NKAIN3: variants seen among roughly 807,000 people sequenced by gnomAD.
NKAIN3 encodes the protein sodium/potassium transporting ATPase interacting 3.
NKAIN3 carries 25 observed loss-of-function variants against 30.2 expected under a neutral mutation model. The observed-to-expected ratio is 0.83, with a 90% CI of 0.60 to 1.16. The LOEUF (loss-of-function observed/expected upper bound fraction) is 1.16, where lower values mean the gene tolerates loss of function less well. NKAIN3 is among the 50% of genes most tolerant of loss of function. The pLI is 0.00. For missense variants in NKAIN3, 225 were observed against 254.1 expected, an observed-to-expected ratio of 0.89 and a Z score of 0.78; for synonymous variants, 91 against 89.6, an observed-to-expected ratio of 1.02 and a Z score of -0.09.
At chr8:62,756,593 A>G (rs1408648383) in intron 4 of NKAIN3, among the ~76,000 whole-genome samples, 1 of 152,140 alleles carries the variant, frequency 6.6e-6, no homozygotes, top group Non-Finnish European at 1.5e-5. Flanking sequence ...ACATAACGTC[A>G]TATGTTCATC....
At chr8:62,415,039 T>TTA (rs58532853) in intron 1 of NKAIN3, among the ~76,000 whole-genome samples, 211 of 141,064 alleles carry the variant, frequency 1.5e-3, no homozygotes, top group African/African-American at 5.2e-3. Flanking sequence ...ATTAGAAATA[T>TTA]TATATATATA....
At chr8:62,524,292 T>C (rs1450797133) in intron 1 of NKAIN3, among the ~76,000 whole-genome samples, 1 of 152,062 alleles carries the variant, frequency 6.6e-6, no homozygotes, top group East Asian at 1.9e-4. Context: ...GTAATTGTTT[T>C]TAAGAATAAC....
intron 1 of NKAIN3, among the ~76,000 whole-genome samples, chr8:62,528,909 T>C (rs59016180): frequency 0.083 from 12,614 of 152,196 alleles, 701 homozygotes; most frequent in East Asian, 0.19. Context: ...AAGTGATAGA[T>C]ACCATTTTCC....
In NKAIN3 at chr8:62,933,832, G is replaced by T. The variant is rs138703463; in HGVS notation, c.532+15319G>T. Among the ~76,000 whole-genome samples, 16 of 152,234 alleles carry T rather than the reference G, an allele frequency of 1.1e-4. No individual in the cohort carries two copies. The East Asian group carries it at 1.5e-3, about 15-fold the overall frequency. On this transcript the variant is annotated intron_variant, in intron 5 of 6. Coordinates refer to ENST00000623646, the MANE Select transcript of NKAIN3 (RefSeq NM_001304533.3). ...AATCTTATTTTCTCCTGAATAAAAGGTTCCTCCAAATGAGCCCAACAATAC... is the reference window on the plus strand; with the variant it reads ...AATCTTATTTTCTCCTGAATAAAAGTTTCCTCCAAATGAGCCCAACAATAC...
intron 1 of NKAIN3, among the ~76,000 whole-genome samples, chr8:62,282,052 T>C (rs777084043): frequency 6.6e-6 from 1 of 152,028 alleles, no homozygotes; most frequent in Non-Finnish European, 1.5e-5. Flanking sequence ...TCTCGAGACA[T>C]CTGTAACCAA....
intron 4 of NKAIN3, among the ~76,000 whole-genome samples, chr8:62,880,660 A>G (rs951397192): frequency 6.6e-6 from 1 of 152,222 alleles, no homozygotes; most frequent in Non-Finnish European, 1.5e-5. Flanking sequence ...ATCCTCCTCC[A>G]GATTCCTCTG....
At chr8:62,703,631 T>G (rs369259908) in intron 3 of NKAIN3, among the ~76,000 whole-genome samples, 1 of 152,210 alleles carries the variant, frequency 6.6e-6, no homozygotes, top group East Asian at 1.9e-4. Flanking sequence ...GAAATCTCCC[T>G]GCGGAAACAT....
At chr8:62,870,389 A>G (rs1034978512) in intron 4 of NKAIN3, among the ~76,000 whole-genome samples, 2 of 137,540 alleles carry the variant, frequency 1.5e-5, no homozygotes, top group Non-Finnish European at 3.0e-5. Context: ...CTATATATGT[A>G]CAATATACAT....
intron 1 of NKAIN3, among the ~76,000 whole-genome samples, chr8:62,391,630 T>C (rs1022039655): frequency 3.3e-5 from 5 of 152,036 alleles, no homozygotes; most frequent in Non-Finnish European, 7.4e-5. Context: ...GAAAAGCATA[T>C]GTAATATTAT....
chr8:62,916,252 A>G (rs986440533), intron 4 of NKAIN3, among the ~76,000 whole-genome samples: 2 of 152,202 alleles, frequency 1.3e-5, no homozygotes, highest in African/African-American at 2.4e-5. Flanking sequence ...CTTGAAAACA[A>G]CTTTCAATAA....
At chr8:62,626,180 G>A (rs1195928879) in intron 3 of NKAIN3, among the ~76,000 whole-genome samples, 1 of 151,994 alleles carries the variant, frequency 6.6e-6, no homozygotes. Context: ...AGGTAGGAAG[G>A]GTATCCACTG....
intron 1 of NKAIN3, among the ~76,000 whole-genome samples, chr8:62,548,079 CCT>C (rs765953617): frequency 2.6e-5 from 4 of 152,232 alleles, no homozygotes; most frequent in Non-Finnish European, 5.9e-5. Flanking sequence ...TAATCTCTTG[CCT>C]TGTTCATCTC....
At chr8:62,299,769 T>G (rs1180604007) in intron 1 of NKAIN3, among the ~76,000 whole-genome samples, 1 of 152,142 alleles carries the variant, frequency 6.6e-6, no homozygotes, top group East Asian at 1.9e-4. Flanking sequence ...TTAGTTATGC[T>G]TAGAAACAAG....
chr8:62,356,061 T>G (rs1457111205), intron 1 of NKAIN3, among the ~76,000 whole-genome samples: 1 of 152,130 alleles, frequency 6.6e-6, no homozygotes, highest in Non-Finnish European at 1.5e-5. Flanking sequence ...TAAATCCAGG[T>G]CACATTTCTT....
At chr8:62,809,328 C>A (rs952304057) in intron 4 of NKAIN3, among the ~76,000 whole-genome samples, 12 of 152,178 alleles carry the variant, frequency 7.9e-5, no homozygotes, top group Non-Finnish European at 1.6e-4. Flanking sequence ...AAAGTAAAGA[C>A]AGGCATAGGA....
At chr8:62,883,457 G>GTTTTTTTTTTTTTTTTT (rs71559381) in intron 4 of NKAIN3, among the ~76,000 whole-genome samples, 1 of 70,226 alleles carries the variant, frequency 1.4e-5, no homozygotes. Context: ...AGTTTTATGG[G>GTTTTTTTTTTTTTTTTT]TTTTTTTTTT....
chr8:62,418,593 G>T (rs1409823672), intron 1 of NKAIN3, among the ~76,000 whole-genome samples: 1 of 152,020 alleles, frequency 6.6e-6, no homozygotes, highest in Non-Finnish European at 1.5e-5. Context: ...TTCTTTGACT[G>T]GTCTGAGTGG....
At chr8:62,473,717 T>C (rs1806427780) in intron 1 of NKAIN3, among the ~76,000 whole-genome samples, 1 of 152,160 alleles carries the variant, frequency 6.6e-6, no homozygotes. Context: ...ATATACATTA[T>C]GTGGCAATTT....
intron 1 of NKAIN3, among the ~76,000 whole-genome samples, chr8:62,454,156 T>C (rs1805737102): frequency 6.6e-6 from 1 of 151,858 alleles, no homozygotes; most frequent in African/African-American, 2.4e-5. Context: ...TCCAGTGTTG[T>C]GGACTTCACT....
Sources: gnomAD v4.1 joint callset for allele counts (sites outside exome capture counted in the v4.1 genomes callset) on GRCh38, gnomAD v4.1.1 for gene constraint, MANE v1.5 for transcripts, NCBI Gene and HGNC (gene_info 2026-07-23, HGNC 2026-07-21) for gene names.